The following CDH12 variants were observed in gnomAD, a reference collection of about 807,000 sequenced individuals.
CDH12 encodes the protein cadherin-12.
In CDH12, 41 loss-of-function variants were observed where a neutral mutation model predicts 74.1. The observed-to-expected ratio is 0.55, with a 90% CI of 0.43 to 0.72. The LOEUF is 0.72. Among genes scored for constraint, CDH12 ranks in the 30% least tolerant of loss-of-function variants. The pLI, the probability that CDH12 is intolerant of heterozygous loss-of-function variation, is 0.00. For missense variants in CDH12, 945 were observed against 977.2 expected (o/e 0.97, Z 0.44); for synonymous variants, 399 against 355.0 (o/e 1.12, Z -1.39).
intron 1 of CDH12, among the ~76,000 whole-genome samples, chr5:22,788,773 T>C (rs918185035): frequency 6.6e-6 from 1 of 150,944 alleles, no homozygotes; most frequent in Non-Finnish European, 1.5e-5. Context: ...ATATTTTTTC[T>C]TTTGAAGAAG....
At chr5:22,252,956 G>A (rs1254545220) in intron 3 of CDH12, among the ~76,000 whole-genome samples, 1 of 151,734 alleles carries the variant, frequency 6.6e-6, no homozygotes, top group Non-Finnish European at 1.5e-5. Flanking sequence ...TGATTAATAA[G>A]TACTTCCCAC....
chr5:22,836,601 A>C (rs1486267289), intron 1 of CDH12, among the ~76,000 whole-genome samples: 1 of 152,014 alleles, frequency 6.6e-6, no homozygotes, highest in Non-Finnish European at 1.5e-5. Context: ...ACAAAATTTT[A>C]TTGAAATGCC....
intron 1 of CDH12, among the ~76,000 whole-genome samples, chr5:22,790,394 G>A (rs1356850577): frequency 6.6e-6 from 1 of 151,988 alleles, no homozygotes; most frequent in African/African-American, 2.4e-5. Context: ...ATTCTCAAAG[G>A]GTCTTGTATT....
At chr5:22,207,650 C>T (rs1395761038) in intron 4 of CDH12, among the ~76,000 whole-genome samples, 1 of 152,166 alleles carries the variant, frequency 6.6e-6, no homozygotes, top group Non-Finnish European at 1.5e-5. Context: ...ATTTAGTCCT[C>T]ATGACAAATA....
At chr5:22,392,957 C>G (rs1177788122) in intron 3 of CDH12, among the ~76,000 whole-genome samples, 1 of 152,122 alleles carries the variant, frequency 6.6e-6, no homozygotes, top group African/African-American at 2.4e-5. Flanking sequence ...TCTCGGTCAC[C>G]TCCAGGCAGC....
At chr5:22,751,443 A>C (rs2127034987) in intron 1 of CDH12, among the ~76,000 whole-genome samples, 1 of 151,418 alleles carries the variant, frequency 6.6e-6, no homozygotes, top group Non-Finnish European at 1.5e-5. Flanking sequence ...ACTGCTAAAA[A>C]GTCTTCTATT....
At chr5:22,682,653 C>T (rs1227452189) in intron 1 of CDH12, among the ~76,000 whole-genome samples, 1 of 151,910 alleles carries the variant, frequency 6.6e-6, no homozygotes, top group African/African-American at 2.4e-5. Context: ...TATAAGCAGT[C>T]CTCTAAAACC....
At chr5:22,436,439 TA>T (rs1273186434) in intron 2 of CDH12, among the ~76,000 whole-genome samples, 23 of 150,696 alleles carry the variant, frequency 1.5e-4, no homozygotes, top group South Asian at 8.4e-4. Flanking sequence ...TAAAGTATAA[TA>T]AAAAAAATAT....
chr5:21,839,798 C>A (rs1031226935), intron 8 of CDH12, among the ~76,000 whole-genome samples: 1 of 152,062 alleles, frequency 6.6e-6, no homozygotes, highest in East Asian at 1.9e-4. Context: ...AATTAAGATC[C>A]TTATACAACC....
Position 22,098,407 on chromosome 5 carries a change from G to A in CDH12, c.-186-19545C>T, listed in dbSNP as rs140225138. Among the ~76,000 whole-genome samples, 128 of 152,208 alleles carry A rather than the reference G, an allele frequency of 8.4e-4. 2 individuals are homozygous for A. The East Asian group carries it at 0.022, about 26-fold the overall frequency. ...TAGTGTGGTCAGAATTCTTACACAA[G>A]AGCCAGGACCCCACCCTTTAGCCTT... On this transcript the variant is annotated intron_variant, in intron 4 of 14. Transcript: ENST00000382254.
chr5:22,182,994 T>C (rs371281746), intron 4 of CDH12, among the ~76,000 whole-genome samples: 4 of 151,088 alleles, frequency 2.6e-5, no homozygotes, highest in Non-Finnish European at 5.9e-5. Context: ...AAGTACTACA[T>C]GGTGCTCAAA....
chr5:22,591,430 T>G (rs1486995406), intron 1 of CDH12, among the ~76,000 whole-genome samples: 4 of 152,210 alleles, frequency 2.6e-5, no homozygotes, highest in African/African-American at 9.6e-5. Flanking sequence ...ATGTTTGTAA[T>G]TTTACAGTTG....
At chr5:22,677,250 C>T (rs1467906495) in intron 1 of CDH12, among the ~76,000 whole-genome samples, 1 of 152,076 alleles carries the variant, frequency 6.6e-6, no homozygotes, top group African/African-American at 2.4e-5. Context: ...TCTGATTAGG[C>T]TAGTATAAGA....
chr5:22,472,525 A>G (rs989763184), intron 2 of CDH12, among the ~76,000 whole-genome samples: 2 of 152,142 alleles, frequency 1.3e-5, no homozygotes, highest in African/African-American at 4.8e-5. Context: ...TAGACGTGTT[A>G]AGCTGGATTT....
chr5:22,320,296 T>G (rs1738813751), intron 3 of CDH12, among the ~76,000 whole-genome samples: 1 of 152,174 alleles, frequency 6.6e-6, no homozygotes, highest in South Asian at 2.1e-4. Flanking sequence ...AATTAATATG[T>G]CTTATTGAAC....
At chr5:22,670,232 T>C (rs138181430) in intron 1 of CDH12, among the ~76,000 whole-genome samples, 117 of 152,206 alleles carry the variant, frequency 7.7e-4, no homozygotes, top group African/African-American at 2.6e-3. Flanking sequence ...TTGCCCAGGC[T>C]GGTCTCAAAC....
intron 5 of CDH12, among the ~76,000 whole-genome samples, chr5:22,054,896 C>CA (rs1262299677): frequency 6.6e-6 from 1 of 152,100 alleles, no homozygotes; most frequent in Non-Finnish European, 1.5e-5. Context: ...ATATCCTGGG[C>CA]AAAATAGCTG....
chr5:22,684,977 G>C (rs987464643), intron 1 of CDH12, among the ~76,000 whole-genome samples: 3 of 151,952 alleles, frequency 2.0e-5, no homozygotes, highest in Non-Finnish European at 2.9e-5. Context: ...AGTGCAAAGG[G>C]GAAAATTTCT....
At chr5:22,291,473 C>T (rs575529234) in intron 3 of CDH12, among the ~76,000 whole-genome samples, 6 of 152,200 alleles carry the variant, frequency 3.9e-5, no homozygotes, top group African/African-American at 1.4e-4. Flanking sequence ...AAAGACTCCA[C>T]TAAAGTGCTG....
Sources: gnomAD v4.1 joint callset for allele counts (sites outside exome capture counted in the v4.1 genomes callset) on GRCh38, gnomAD v4.1.1 for gene constraint, MANE v1.5 for transcripts, NCBI Gene and HGNC (gene_info 2026-07-23, HGNC 2026-07-21) for gene names.